ERBB4: variants seen among roughly 807,000 people sequenced by gnomAD.
ERBB4 encodes the protein erb-b2 receptor tyrosine kinase 4.
In ERBB4, 42 loss-of-function variants were observed where a neutral mutation model predicts 158.0. The ratio of observed to expected loss-of-function variants is 0.27; its 90% confidence interval spans 0.21 to 0.34. The LOEUF (loss-of-function observed/expected upper bound fraction) is 0.34, where lower values mean the gene tolerates loss of function less well. ERBB4 is among the 10% of genes least tolerant of loss of function. ERBB4 has a pLI of 1.00. For synonymous variants in ERBB4, 583 were observed against 558.7 expected, an observed-to-expected ratio of 1.04 and a Z score of -0.61; for missense variants, 1,333 against 1,624.1, an observed-to-expected ratio of 0.82 and a Z score of 3.08.
chr2:212,322,968 T>TA lies in ERBB4; in HGVS notation c.83-198066dup, dbSNP rs1056815989. ...AAAAATCATTCTTGAAATCAGTACT[T>TA]AAAAAAAAATAGGGAGCTGATTGCT... On this transcript the variant is annotated intron_variant, in intron 1 of 27. Coordinates refer to ENST00000342788, the MANE Select transcript of ERBB4 (RefSeq NM_005235.3). Among the ~76,000 whole-genome samples, 7 of 149,078 alleles carry TA rather than the reference T, an allele frequency of 4.7e-5. 1 individual carries two copies. The highest frequency in any genetic ancestry group is 6.7e-5 in the Admixed American group (1 of 14,958).
At chr2:212,357,301 T>C (rs1250197504) in intron 1 of ERBB4, among the ~76,000 whole-genome samples, 1 of 151,896 alleles carries the variant, frequency 6.6e-6, no homozygotes, top group Non-Finnish European at 1.5e-5. Context: ...GATGGTGTCC[T>C]CATATTATTA....
chr2:212,151,451 T>A (rs1362925233), intron 1 of ERBB4, among the ~76,000 whole-genome samples: 2 of 151,628 alleles, frequency 1.3e-5, no homozygotes, highest in Non-Finnish European at 2.9e-5. Flanking sequence ...CAAAAATACC[T>A]TGTCATGCAC....
At chr2:211,991,902 A>G (rs1168831405) in intron 2 of ERBB4, among the ~76,000 whole-genome samples, 1 of 152,208 alleles carries the variant, frequency 6.6e-6, no homozygotes, top group Non-Finnish European at 1.5e-5. Context: ...ACTTAAGTTC[A>G]CAGGCTATGT....
intron 18 of ERBB4, among the ~76,000 whole-genome samples, chr2:211,623,614 T>C (rs1343486436): frequency 2.6e-5 from 4 of 152,086 alleles, no homozygotes; most frequent in African/African-American, 9.7e-5. Flanking sequence ...TGGGGCTTGA[T>C]AGTTGGATAA....
chr2:212,474,633 C>T (rs1191385129), intron 1 of ERBB4, among the ~76,000 whole-genome samples: 1 of 152,030 alleles, frequency 6.6e-6, no homozygotes, highest in Non-Finnish European at 1.5e-5. Context: ...CTTGCTCCTC[C>T]TCTCCGTCTT....
chr2:212,158,576 C>T (rs1263948621), intron 1 of ERBB4, among the ~76,000 whole-genome samples: 2 of 151,848 alleles, frequency 1.3e-5, no homozygotes, highest in Non-Finnish European at 2.9e-5. Context: ...CTTTTTGGAC[C>T]TCATTATATT....
chr2:212,449,663 A>G (rs1319358883), intron 1 of ERBB4, among the ~76,000 whole-genome samples: 1 of 152,068 alleles, frequency 6.6e-6, no homozygotes, highest in Non-Finnish European at 1.5e-5. Context: ...TATATTAGCT[A>G]TTCACATTGC....
chr2:212,514,847 T>C (rs927348429), intron 1 of ERBB4, among the ~76,000 whole-genome samples: 1 of 151,984 alleles, frequency 6.6e-6, no homozygotes, highest in Non-Finnish European at 1.5e-5. Context: ...AGAAGTAAAC[T>C]GATGCAAAAG....
intron 1 of ERBB4, among the ~76,000 whole-genome samples, chr2:212,446,885 T>C (rs1426176010): frequency 6.6e-6 from 1 of 150,882 alleles, no homozygotes; most frequent in Non-Finnish European, 1.5e-5. Context: ...GTATTCAATA[T>C]ATTTGAAAAG....
At chr2:212,293,174 T>TA (rs1315571300) in intron 1 of ERBB4, among the ~76,000 whole-genome samples, 2 of 151,958 alleles carry the variant, frequency 1.3e-5, no homozygotes, top group East Asian at 3.9e-4. Flanking sequence ...AAAATCTACT[T>TA]AAATATATTT....
intron 3 of ERBB4, among the ~76,000 whole-genome samples, chr2:211,858,675 A>G (rs2077934328): frequency 6.6e-6 from 1 of 152,228 alleles, no homozygotes; most frequent in Non-Finnish European, 1.5e-5. Context: ...GTAAATAAGA[A>G]ATAAAATTTT....
intron 20 of ERBB4, among the ~76,000 whole-genome samples, chr2:211,491,637 T>C (rs973439261): frequency 4.6e-5 from 7 of 152,078 alleles, no homozygotes; most frequent in African/African-American, 1.7e-4. Context: ...AATAATAAAT[T>C]ATAAAGTTCT....
chr2:211,501,086 AAAAT>A (rs2065602944), intron 20 of ERBB4, among the ~76,000 whole-genome samples: 1 of 149,200 alleles, frequency 6.7e-6, no homozygotes, highest in Non-Finnish European at 1.5e-5. Flanking sequence ...GCTGACTATA[AAAAT>A]AAATAAAAAG....
intron 1 of ERBB4, among the ~76,000 whole-genome samples, chr2:212,515,486 T>C (rs1261591242): frequency 2.0e-5 from 3 of 151,990 alleles, no homozygotes; most frequent in African/African-American, 7.2e-5. Flanking sequence ...CATGCTATCA[T>C]ATAAAACAAT....
intron 3 of ERBB4, among the ~76,000 whole-genome samples, chr2:211,893,129 T>C (rs867818899): frequency 0.025 from 3,252 of 132,042 alleles, 67 homozygotes; most frequent in African/African-American, 0.043. Context: ...AGAACAAAGC[T>C]GGAGGCATCA....
At position 212,124,864 on chromosome 2, in the gene ERBB4, T is replaced by C; in HGVS notation, c.122A>G (p.Asp41Gly). 1 of 1,614,164 alleles carries C rather than the reference T, an allele frequency of 6.2e-7. No individual in the cohort carries two copies. Among genetic ancestry groups the C allele is most frequent in the Non-Finnish European group, 8.5e-7 (1 of 1,180,016 alleles). ...GTENKLSSLS[D>G]LEQQYRALRK... ...CAAGGCTCGGTACTGCTGTTCCAGGTCAGAGAGAGAGCTCAGTTTATTCTC... is the reference window on the plus strand; with the variant it reads ...CAAGGCTCGGTACTGCTGTTCCAGGCCAGAGAGAGAGCTCAGTTTATTCTC... The change falls in exon 2 of 28, where the codon GAC becomes GGC. Residue 41 changes from aspartate (D) to glycine (G), a missense_variant. By Grantham distance (94) the Asp-to-Gly change is moderately conservative. Around this residue, in one of 5 missense-constraint regions of ERBB4, gnomAD observed 438 missense variants for 586.9 expected, o/e 0.75. Transcript: ENST00000342788.
intron 1 of ERBB4, among the ~76,000 whole-genome samples, chr2:212,190,889 G>T (rs997587647): frequency 7.2e-5 from 11 of 152,016 alleles, no homozygotes; most frequent in Admixed American, 5.9e-4. Context: ...TTTCAGAATT[G>T]TATTTTGAAA....
At chr2:212,331,072 A>ATATATG (rs71054195) in intron 1 of ERBB4, among the ~76,000 whole-genome samples, 1 of 71,364 alleles carries the variant, frequency 1.4e-5, no homozygotes, top group Non-Finnish European at 3.3e-5. Flanking sequence ...ATATATATAT[A>ATATATG]CACATATATA....
At chr2:211,546,432 A>C (rs1022700929) in intron 20 of ERBB4, among the ~76,000 whole-genome samples, 19 of 152,126 alleles carry the variant, frequency 1.2e-4, no homozygotes, top group African/African-American at 4.6e-4. Flanking sequence ...TTTCTTATAG[A>C]AGAATAGATT....
Sources: allele counts gnomAD v4.1 joint callset (sites outside exome capture counted in the v4.1 genomes callset), GRCh38; gene constraint gnomAD v4.1.1; regional missense constraint gnomAD v4.1.1; transcripts MANE v1.5; gene names NCBI Gene and HGNC (gene_info 2026-07-23, HGNC 2026-07-21).